Variants in FYN observed in about 807,000 individuals in gnomAD.
FYN encodes tyrosine-protein kinase Fyn.
A neutral mutation model predicts 70.2 loss-of-function variants in FYN; 10 were observed. The observed-to-expected ratio is 0.14, with a 90% confidence interval of 0.09 to 0.24. The LOEUF is 0.24. Ranked by LOEUF, FYN falls within the 10% of genes least tolerant of loss-of-function variation. The probability of loss-of-function intolerance (pLI) is 1.00; values close to 1 mark genes in which losing one functional copy is unlikely to be tolerated. For synonymous variants in FYN, 236 were observed against 248.6 expected (o/e 0.95, Z 0.48); for missense variants, 319 against 673.1 (o/e 0.47, Z 5.82).
chr6:111,710,048 C>T (rs1469443499), intron 5 of FYN, among the ~76,000 whole-genome samples: 1 of 152,122 alleles, frequency 6.6e-6, no homozygotes, highest in Non-Finnish European at 1.5e-5. Context: ...ACAAGGTTTA[C>T]TGCTCTGAAG....
At chr6:111,730,750 C>T (rs1440448627) in intron 3 of FYN, among the ~76,000 whole-genome samples, 1 of 152,208 alleles carries the variant, frequency 6.6e-6, no homozygotes, top group East Asian at 1.9e-4. Flanking sequence ...TTCAGAAACA[C>T]TAGGCACAGA....
intron 3 of FYN, among the ~76,000 whole-genome samples, chr6:111,720,356 G>C (rs534727124): frequency 2.1e-4 from 32 of 152,184 alleles, no homozygotes; most frequent in African/African-American, 7.2e-4. Context: ...TTCTGTAACA[G>C]CATACACCTG....
chr6:111,792,858 T>TA (rs1203293884), intron 2 of FYN, among the ~76,000 whole-genome samples: 5 of 152,326 alleles, frequency 3.3e-5, no homozygotes, highest in Admixed American at 3.3e-4. Context: ...TGCTATCAGT[T>TA]ACCCTTGATG....
In FYN at chr6:111,682,912, T is replaced by C. The variant is rs1583301208; in HGVS notation, c.1274-8282A>G. ...GCTGAATAAATACCAGCTGTTATTT[T>C]ATTCAGATAGTAAAGGCCTAAAGTC... On this transcript the variant is annotated intron_variant, in intron 12 of 13. Transcript: ENST00000354650. Among the ~76,000 whole-genome samples the C allele has an allele frequency of 2.0e-5, 3 of 152,358 alleles. No individual in the cohort carries two copies. The South Asian group carries it at 6.2e-4, about 32-fold the overall frequency.
intron 5 of FYN, among the ~76,000 whole-genome samples, chr6:111,710,699 C>A (rs1800332231): frequency 6.6e-6 from 1 of 152,098 alleles, no homozygotes; most frequent in South Asian, 2.1e-4. Flanking sequence ...TCATTGAGAG[C>A]CGTTGAGCGA....
intron 2 of FYN, among the ~76,000 whole-genome samples, chr6:111,782,302 G>C (rs1465581359): frequency 6.6e-6 from 1 of 152,098 alleles, no homozygotes; most frequent in African/African-American, 2.4e-5. Context: ...AGTTAATAAT[G>C]CCTCGCCTTA....
intron 1 of FYN, among the ~76,000 whole-genome samples, chr6:111,859,327 C>G (rs1486587019): frequency 6.6e-6 from 1 of 152,188 alleles, no homozygotes; most frequent in Non-Finnish European, 1.5e-5. Context: ...CAAGTATTAC[C>G]AGGCAGAGTC....
intron 2 of FYN, among the ~76,000 whole-genome samples, chr6:111,843,731 G>C (rs1314429980): frequency 6.6e-6 from 1 of 152,092 alleles, no homozygotes; most frequent in East Asian, 1.9e-4. Context: ...TATGAGTTAG[G>C]CACTAGGCTT....
intron 3 of FYN, among the ~76,000 whole-genome samples, chr6:111,735,706 G>T (rs1334123813): frequency 6.6e-6 from 1 of 152,178 alleles, no homozygotes; most frequent in Non-Finnish European, 1.5e-5. Flanking sequence ...CATGCAAGTG[G>T]CTGGACAGGG....
chr6:111,694,161 A>G lies in FYN; in HGVS notation c.1273+214T>C, dbSNP rs1799472353. 1.3e-5 allele frequency among the ~76,000 whole-genome samples: 2 copies of G among 152,106 alleles called. No individual in the cohort carries two copies. Among genetic ancestry groups the G allele is most frequent in the Admixed American group, 1.3e-4 (2 of 15,268 alleles). Reference sequence around the variant, plus strand: ...AAATACCAATACCCACCCACCCACCAAAAACCAATATCTCATCCCTCCACT... The same window carrying G: ...AAATACCAATACCCACCCACCCACCGAAAACCAATATCTCATCCCTCCACT... On this transcript the variant is annotated intron_variant, in intron 12 of 13. Transcript: ENST00000354650. The surrounding 1 kb of genome is among the most constrained non-coding windows in gnomAD (Gnocchi z 5.0).
chr6:111,737,182 C>T (rs577655793), intron 3 of FYN, among the ~76,000 whole-genome samples: 1 of 152,306 alleles, frequency 6.6e-6, no homozygotes, highest in Non-Finnish European at 1.5e-5. Flanking sequence ...TTTTGTTTCC[C>T]CACATATCAA....
intron 2 of FYN, among the ~76,000 whole-genome samples, chr6:111,837,679 C>T (rs1341782375): frequency 2.0e-5 from 3 of 152,186 alleles, no homozygotes; most frequent in Non-Finnish European, 4.4e-5. Flanking sequence ...GCACTTTGTG[C>T]CTCCACTTCA....
intron 2 of FYN, among the ~76,000 whole-genome samples, chr6:111,831,525 G>A (rs1298018369): frequency 6.6e-6 from 1 of 152,092 alleles, no homozygotes; most frequent in Non-Finnish European, 1.5e-5. Context: ...AATATTCAAG[G>A]ACCTTGCCAA....
At chr6:111,714,780 C>G (rs1293304281) in intron 4 of FYN, among the ~76,000 whole-genome samples, 2 of 152,224 alleles carry the variant, frequency 1.3e-5, no homozygotes, top group Non-Finnish European at 2.9e-5. Context: ...GTTTGCAGGG[C>G]TCTGCAGCAG....
intron 2 of FYN, among the ~76,000 whole-genome samples, chr6:111,827,426 T>C (rs761260013): frequency 6.6e-6 from 1 of 152,168 alleles, no homozygotes; most frequent in Non-Finnish European, 1.5e-5. Flanking sequence ...TACTTTCTTC[T>C]AGATGTCCCT....
chr6:111,742,743 A>C (rs1194297970), intron 3 of FYN, among the ~76,000 whole-genome samples: 1 of 152,228 alleles, frequency 6.6e-6, no homozygotes, highest in African/African-American at 2.4e-5. Flanking sequence ...TATATCATTT[A>C]CCATCTTATG....
At chr6:111,680,241 C>T (rs1482646313) in intron 12 of FYN, among the ~76,000 whole-genome samples, 2 of 152,226 alleles carry the variant, frequency 1.3e-5, no homozygotes, top group Non-Finnish European at 2.9e-5. Flanking sequence ...GAGTATTCCC[C>T]AGTGCCTGGC....
intron 2 of FYN, among the ~76,000 whole-genome samples, chr6:111,815,853 C>T (rs1772473110): frequency 6.6e-6 from 1 of 151,902 alleles, no homozygotes; most frequent in African/African-American, 2.4e-5. Flanking sequence ...GCTGAGACTA[C>T]AGGTATGTGC....
At chr6:111,836,290 T>A (rs1163547085) in intron 2 of FYN, among the ~76,000 whole-genome samples, 1 of 152,188 alleles carries the variant, frequency 6.6e-6, no homozygotes, top group Non-Finnish European at 1.5e-5. Context: ...TGAAAACCTG[T>A]CATTCACTAT....
Sources: gnomAD v4.1 joint callset for allele counts (sites outside exome capture counted in the v4.1 genomes callset) on GRCh38, gnomAD v4.1.1 for gene constraint, Gnocchi (gnomAD v3.1) non-coding constraint, MANE v1.5 for transcripts, NCBI Gene and HGNC (gene_info 2026-07-23, HGNC 2026-07-21) for gene names.